ELSPBP1: variants seen among roughly 807,000 people sequenced by gnomAD.
The protein encoded by ELSPBP1 is epididymal sperm binding protein 1, also known as epididymal sperm-binding protein 1.
In ELSPBP1, 38 loss-of-function variants were observed where a neutral mutation model predicts 33.3. The ratio of observed to expected loss-of-function variants is 1.14; its 90% CI spans 0.88 to 1.50. ELSPBP1 has a LOEUF of 1.50. Ranked by LOEUF, ELSPBP1 falls within the 40% of genes most tolerant of loss-of-function variation. ELSPBP1 has a pLI of 0.00. For synonymous variants in ELSPBP1, 85 were observed against 94.1 expected (o/e 0.90, Z 0.56); for missense variants, 267 against 263.5 (o/e 1.01, Z -0.09).
chr19:48,014,301 G>C lies in ELSPBP1; in HGVS notation c.201G>C (p.Gln67His). The C allele has an allele frequency of 6.2e-7, 1 of 1,613,444 alleles. No homozygotes were observed. The highest frequency in any genetic ancestry group is 8.5e-7 in the Non-Finnish European group (1 of 1,179,918). Reference sequence around the variant, plus strand: ...ACAACGGCCAGTGGAAGTACTGCCAGAGTGAAGGTGAGTGGTATCACATTG... The same window carrying C: ...ACAACGGCCAGTGGAAGTACTGCCACAGTGAAGGTGAGTGGTATCACATTG... The part of the protein sequence containing the change: ...AVYNGQWKYC[Q>H]SEDYPRCIFP... The change falls in exon 3 of 7, where the codon CAG becomes CAC. Residue 67 changes from glutamine (Q) to histidine (H), a missense_variant. Physicochemically the swap from Gln to His is conservative, Grantham distance 24. Coordinates refer to ENST00000339841, the MANE Select transcript of ELSPBP1 (RefSeq NM_022142.5).
At chr19:48,017,804 G>A (rs1366140225) in intron 4 of ELSPBP1, among the ~76,000 whole-genome samples, 1 of 151,556 alleles carries the variant, frequency 6.6e-6, no homozygotes, top group Non-Finnish European at 1.5e-5. Context: ...GGCTGAGGTG[G>A]GAGGATTCCT....
intron 1 of ELSPBP1, among the ~76,000 whole-genome samples, chr19:48,001,155 ACT>A (rs1352883137): frequency 7.0e-6 from 1 of 143,330 alleles, no homozygotes; most frequent in Non-Finnish European, 1.5e-5. Flanking sequence ...TGGTTTTCTG[ACT>A]CTCCTGCCTC....
intron 2 of ELSPBP1, among the ~76,000 whole-genome samples, chr19:48,010,546 A>T (rs988353167): frequency 7.9e-5 from 12 of 152,196 alleles, no homozygotes; most frequent in East Asian, 7.7e-4. Flanking sequence ...AATTATTTTT[A>T]AAAAATTGGC....
intron 2 of ELSPBP1, among the ~76,000 whole-genome samples, chr19:48,010,692 G>A (rs961970955): frequency 2.0e-5 from 3 of 151,566 alleles, no homozygotes; most frequent in African/African-American, 7.3e-5. Flanking sequence ...TCAGGACAGG[G>A]TGAAGGGCAG....
In ELSPBP1 at chr19:47,995,618, C is replaced by T. The variant is rs146335947; in HGVS notation, c.-18+807C>T. ...CCTAGAGGTGGAGGGAAGGCTTACA[C>T]TGAAGTTTTGTTTCAGATCTGGGGT... On this transcript the variant is annotated intron_variant, in intron 1 of 6. Transcript: ENST00000339841. 3.8e-3 allele frequency among the ~76,000 whole-genome samples: 576 copies of T among 152,272 alleles called. 4 individuals are homozygous for T. The highest frequency in any genetic ancestry group is 0.013 in the African/African-American group (534 of 41,562).
intron 1 of ELSPBP1, among the ~76,000 whole-genome samples, chr19:47,999,762 C>T (rs1966948733): frequency 6.6e-6 from 1 of 151,952 alleles, no homozygotes; most frequent in South Asian, 2.1e-4. Flanking sequence ...TTTCACCTGT[C>T]CAGTCTACCG....
Position 47,995,568 on chromosome 19 carries a change from G to A in ELSPBP1, c.-18+757G>A, listed in dbSNP as rs868679032. Among the ~76,000 whole-genome samples the A allele has an allele frequency of 2.6e-5, 4 of 152,180 alleles. No homozygotes were observed. The South Asian group carries it at 8.3e-4, about 32-fold the overall frequency. ...CTCCCTCCAAAGGCAGCCTAAATATGTAATAGAAGAGGTGTGTGTGTGCGC... is the reference window on the plus strand; with the variant it reads ...CTCCCTCCAAAGGCAGCCTAAATATATAATAGAAGAGGTGTGTGTGTGCGC... On this transcript the variant is annotated intron_variant, in intron 1 of 6. Transcript: ENST00000339841.
chr19:47,997,754 G>T (rs192887255), intron 1 of ELSPBP1, among the ~76,000 whole-genome samples: 2 of 152,032 alleles, frequency 1.3e-5, no homozygotes, highest in African/African-American at 4.8e-5. Context: ...ATCAAATCAG[G>T]GTATTTAGGA....
At chr19:47,997,418 G>A (rs1464339522) in intron 1 of ELSPBP1, among the ~76,000 whole-genome samples, 6 of 152,040 alleles carry the variant, frequency 3.9e-5, no homozygotes, top group African/African-American at 1.2e-4. Context: ...TATTACACAT[G>A]CCTGTATACA....
chr19:47,994,755 C>G lies in ELSPBP1; in HGVS notation c.-74C>G, dbSNP rs1479879360. ...CCAGATAATCCAGAGCTCTTGGGAGCAGAACCTTAAAGAGAGATCGTGGAG... is the reference window on the plus strand; with the variant it reads ...CCAGATAATCCAGAGCTCTTGGGAGGAGAACCTTAAAGAGAGATCGTGGAG... On this transcript the variant is annotated 5_prime_UTR_variant, in exon 1 of 7. Coordinates refer to ENST00000339841, the MANE Select transcript of ELSPBP1 (RefSeq NM_022142.5). 2.0e-5 allele frequency: 3 copies of G among 152,188 alleles called. No individual in the cohort carries two copies. Among genetic ancestry groups the G allele is most frequent in the African/African-American group, 7.2e-5 (3 of 41,430 alleles). The allele number at this position is 152,188 out of a possible 1,614,324, so 9.4% of individuals were successfully genotyped here.
intron 4 of ELSPBP1, among the ~76,000 whole-genome samples, chr19:48,018,299 G>T (rs956399247): frequency 4.6e-5 from 7 of 152,134 alleles, no homozygotes; most frequent in African/African-American, 1.7e-4. Flanking sequence ...TGGCATCACA[G>T]GGTTTTTGTA....
At chr19:48,019,251 G>A (rs1277432929) in intron 4 of ELSPBP1, among the ~76,000 whole-genome samples, 1 of 152,188 alleles carries the variant, frequency 6.6e-6, no homozygotes, top group Non-Finnish European at 1.5e-5. Flanking sequence ...AATGGGGGAT[G>A]TGATTTGGAT....
rs150452142 is a variant in ELSPBP1 at position 48,008,547 on chromosome 19, AC to A, written c.-17-103del. On this transcript the variant is annotated intron_variant, in intron 1 of 6. Coordinates refer to ENST00000339841, the MANE Select transcript of ELSPBP1 (RefSeq NM_022142.5). Reference sequence around the variant, plus strand: ...CCATGCCTGGTCTATTTTTTAAATTACTGTGGATGGAAAGAAAAATGGCATG... The same window carrying A: ...CCATGCCTGGTCTATTTTTTAAATTATGTGGATGGAAAGAAAAATGGCATG... The A allele has an allele frequency of 1.7e-5, 13 of 748,656 alleles. No homozygotes were observed. The East Asian group carries it at 3.5e-4, about 20-fold the overall frequency. 46.4% of individuals were successfully genotyped at this position (748,656 alleles called of 1,614,324 possible).
intron 6 of ELSPBP1, among the ~76,000 whole-genome samples, chr19:48,023,474 G>A (rs1429151976): frequency 1.6e-4 from 12 of 77,034 alleles, no homozygotes; most frequent in Non-Finnish European, 3.3e-4. Context: ...AATGGAGGAA[G>A]GGAGGAGGGA....
At chr19:47,994,876 G>A (rs187463344) in intron 1 of ELSPBP1, 65 bp downstream of exon 1, 1 of 152,308 alleles carries the variant, frequency 6.6e-6, no homozygotes, top group African/African-American at 2.4e-5. Flanking sequence ...CCATAGCAAA[G>A]AAGGAAGGTC....
intron 1 of ELSPBP1, among the ~76,000 whole-genome samples, chr19:47,997,126 T>G (rs1374546185): frequency 6.6e-6 from 1 of 152,200 alleles, no homozygotes; most frequent in African/African-American, 2.4e-5. Flanking sequence ...ATTACTGGCA[T>G]GCCAGTGGAA....
At chr19:48,023,143 AAAGG>A (rs1967220563) in intron 6 of ELSPBP1, among the ~76,000 whole-genome samples, 1 of 143,930 alleles carries the variant, frequency 6.9e-6, no homozygotes, top group African/African-American at 2.6e-5. Context: ...GGAAGGGAAG[AAAGG>A]AGGGAGGGAG....
At chr19:48,016,465 C>CT (rs1967136256) in intron 4 of ELSPBP1, among the ~76,000 whole-genome samples, 8 of 44,586 alleles carry the variant, frequency 1.8e-4, no homozygotes, top group Admixed American at 5.3e-4. Context: ...CTTTTCTTTC[C>CT]TTCTTTCTTT....
intron 1 of ELSPBP1, among the ~76,000 whole-genome samples, chr19:47,999,420 G>A (rs549399010): frequency 1.7e-4 from 21 of 126,082 alleles, no homozygotes; most frequent in African/African-American, 5.0e-4. Context: ...AAAGAGTCTC[G>A]CTCTGCCACC....
Sources: gnomAD v4.1 joint callset for allele counts (sites outside exome capture counted in the v4.1 genomes callset) on GRCh38, gnomAD v4.1.1 for gene constraint, MANE v1.5 for transcripts, NCBI Gene and HGNC (gene_info 2026-07-23, HGNC 2026-07-21) for gene names.